SLC24A2: variants seen among roughly 807,000 people sequenced by gnomAD.
SLC24A2 encodes sodium/potassium/calcium exchanger 2.
SLC24A2 carries 36 observed loss-of-function variants against 62.0 expected under a neutral mutation model. The ratio of observed to expected loss-of-function variants is 0.58; its 90% CI spans 0.44 to 0.77. SLC24A2 has a LOEUF of 0.77. Ranked by LOEUF, SLC24A2 falls within the 30% of genes least tolerant of loss-of-function variation. The pLI, the probability that SLC24A2 is intolerant of heterozygous loss-of-function variation, is 0.00. For synonymous variants in SLC24A2, 358 were observed against 294.0 expected (o/e 1.22, Z -2.23); for missense variants, 846 against 817.9 (o/e 1.03, Z -0.42).
chr9:19,891,655 A>G, the SLC24A2 span, among the ~76,000 whole-genome samples: 1 of 152,024 alleles, frequency 6.6e-6, no homozygotes, highest in Non-Finnish European at 1.5e-5. Context: ...CTGAGGTGGG[A>G]AGATCGCTTG....
the SLC24A2 span, among the ~76,000 whole-genome samples, chr9:20,157,607 ACT>A: frequency 6.6e-6 from 1 of 151,694 alleles, no homozygotes; most frequent in African/African-American, 2.4e-5. Flanking sequence ...GCAACCAGTA[ACT>A]CTCAAATACA....
the SLC24A2 span, among the ~76,000 whole-genome samples, chr9:19,910,164 C>G: frequency 1.3e-5 from 2 of 152,084 alleles, no homozygotes; most frequent in Non-Finnish European, 2.9e-5. Flanking sequence ...CAGAGTAATC[C>G]ATGCTGCCTG....
the SLC24A2 span, among the ~76,000 whole-genome samples, chr9:20,298,279 G>A: frequency 6.6e-6 from 1 of 152,190 alleles, no homozygotes; most frequent in African/African-American, 2.4e-5. Context: ...ACCCAGGCTG[G>A]AGTGCAGCAG....
At chr9:19,617,515 T>C (rs781077311) in intron 4 of SLC24A2, among the ~76,000 whole-genome samples, 1 of 152,180 alleles carries the variant, frequency 6.6e-6, no homozygotes, top group Non-Finnish European at 1.5e-5. Context: ...AACAGAAACA[T>C]TTTCAAAAAT....
chr9:19,780,888 A>T (rs2118927412), intron 2 of SLC24A2, among the ~76,000 whole-genome samples: 1 of 151,302 alleles, frequency 6.6e-6, no homozygotes, highest in Non-Finnish European at 1.5e-5. Flanking sequence ...AAAAAAAAAA[A>T]AAAAAGAGTG....
chr9:19,729,869 T>C (rs1034570129), intron 2 of SLC24A2, among the ~76,000 whole-genome samples: 1 of 152,038 alleles, frequency 6.6e-6, no homozygotes, highest in Non-Finnish European at 1.5e-5. Flanking sequence ...AGAAGGATAT[T>C]AGACATTACC....
chr9:20,143,929 C>T, the SLC24A2 span, among the ~76,000 whole-genome samples: 1 of 152,186 alleles, frequency 6.6e-6, no homozygotes, highest in Non-Finnish European at 1.5e-5. Flanking sequence ...TTCCTGACCT[C>T]TACAGCAAAT....
Position 19,786,826 on chromosome 9 carries a change from T to C in SLC24A2, c.41A>G (p.Lys14Arg). 1 of 1,612,386 alleles carries C rather than the reference T, an allele frequency of 6.2e-7. No homozygotes were observed. Among genetic ancestry groups the C allele is most frequent in the Non-Finnish European group, 8.5e-7 (1 of 1,179,674 alleles). ...QQSTTITSLE[K>R]WCLDESLSGC... is the part of the protein sequence containing the mutation. ...AGACAGTGACTCATCCAAACACCAT[T>C]TCTCTAGGGAAGTGATGGTGGTGCT... Residue 14 changes from lysine (K) to arginine (R), a missense_variant, in exon 2 of 11, where the codon AAA (lysine) becomes AGA (arginine). By Grantham distance (26) the Lys-to-Arg change is conservative (BLOSUM62 2). Transcript: ENST00000341998. This position sits in a 1 kb window ranked among gnomAD's most constrained non-coding sequence, Gnocchi z 5.0.
chr9:19,932,049 A>G, the SLC24A2 span, among the ~76,000 whole-genome samples: 7 of 152,316 alleles, frequency 4.6e-5, no homozygotes, highest in South Asian at 1.4e-3. Context: ...GAAATTTCTC[A>G]TGTATTCGCA....
At chr9:19,809,543 A>G in the SLC24A2 span, among the ~76,000 whole-genome samples, 2 of 152,082 alleles carry the variant, frequency 1.3e-5, no homozygotes, top group Admixed American at 1.3e-4. Context: ...ACAGCAGCCT[A>G]TAAAATCGAG....
At chr9:19,554,368 C>G (rs551312292) in intron 7 of SLC24A2, among the ~76,000 whole-genome samples, 3 of 152,214 alleles carry the variant, frequency 2.0e-5, no homozygotes, top group Non-Finnish European at 4.4e-5. Context: ...ATTAGGCATT[C>G]TAAGCAATCT....
At chr9:19,768,188 G>A (rs986502794) in intron 2 of SLC24A2, among the ~76,000 whole-genome samples, 5 of 152,146 alleles carry the variant, frequency 3.3e-5, no homozygotes, top group African/African-American at 9.7e-5. Context: ...ATGAGTTTTG[G>A]AGGAGACAAA....
chr9:19,902,123 G>A, the SLC24A2 span, among the ~76,000 whole-genome samples: 3 of 152,056 alleles, frequency 2.0e-5, no homozygotes, highest in Admixed American at 6.5e-5. Context: ...AGTCTGTTCC[G>A]GCTACTTTAA....
intron 4 of SLC24A2, among the ~76,000 whole-genome samples, chr9:19,601,645 G>T (rs972319186): frequency 2.6e-5 from 1 of 38,312 alleles, no homozygotes; most frequent in Non-Finnish European, 4.5e-5. Context: ...GACACTGTTA[G>T]AATATTTTTT....
At chr9:20,041,034 T>A in the SLC24A2 span, among the ~76,000 whole-genome samples, 1 of 152,152 alleles carries the variant, frequency 6.6e-6, no homozygotes, top group African/African-American at 2.4e-5. Flanking sequence ...AGGCTCTGAA[T>A]TTTTTTTAGG....
chr9:19,689,178 G>C (rs1412391575), intron 2 of SLC24A2, among the ~76,000 whole-genome samples: 2 of 152,104 alleles, frequency 1.3e-5, no homozygotes, highest in African/African-American at 4.8e-5. Context: ...GAATTAAGTG[G>C]CCTAAGTTGT....
the SLC24A2 span, among the ~76,000 whole-genome samples, chr9:20,214,298 T>C: frequency 6.6e-6 from 1 of 152,072 alleles, no homozygotes; most frequent in Non-Finnish European, 1.5e-5. Flanking sequence ...ATTGCACCTA[T>C]AGTCAACAAT....
the SLC24A2 span, among the ~76,000 whole-genome samples, chr9:19,829,914 G>T: frequency 6.6e-6 from 1 of 150,540 alleles, no homozygotes; most frequent in Non-Finnish European, 1.5e-5. Flanking sequence ...TTTTATTAAA[G>T]TTTGAGATTT....
chr9:19,742,586 G>T (rs372830680), intron 2 of SLC24A2, among the ~76,000 whole-genome samples: 1 of 152,062 alleles, frequency 6.6e-6, no homozygotes, highest in African/African-American at 2.4e-5. Context: ...GTATAGGAAG[G>T]TTGGAACCTT....
Sources: allele counts gnomAD v4.1 joint callset (sites outside exome capture counted in the v4.1 genomes callset), GRCh38; gene constraint gnomAD v4.1.1; non-coding constraint Gnocchi (gnomAD v3.1); transcripts MANE v1.5; gene names NCBI Gene and HGNC (gene_info 2026-07-23, HGNC 2026-07-21).